OR6K6: variants seen among roughly 807,000 people sequenced by gnomAD.
OR6K6 encodes olfactory receptor family 6 subfamily K member 6, also known as olfactory receptor 6K6.
Under a neutral mutation model 8.1 loss-of-function variants are expected in OR6K6, and 9 were observed. The observed-to-expected ratio is 1.11, with a 90% CI of 0.67 to 1.94. The LOEUF is 1.94. Ranked by LOEUF, OR6K6 falls within the 30% of genes most tolerant of loss-of-function variation. The pLI is 0.00. For synonymous variants in OR6K6, 156 were observed against 140.3 expected (o/e 1.11, Z -0.79); for missense variants, 400 against 383.1 (o/e 1.04, Z -0.37).
chr1:158,755,448 T>A (rs1259473206), exon 1 of OR6K6: 1 of 1,614,244 alleles, frequency 6.2e-7, no homozygotes, highest in East Asian at 2.2e-5. Flanking sequence ...ATTTCACACC[T>A]GTGCTGAGCT....
Position 158,755,745 on chromosome 1 carries a change from C to CT in OR6K6, c.863dup (p.Asn289GlnfsTer6), listed in dbSNP as rs1558026784. 2 of 1,614,054 alleles carry CT rather than the reference C, an allele frequency of 1.2e-6. No individual in the cohort carries two copies. The highest frequency in any genetic ancestry group is 4.5e-5 in the East Asian group (2 of 44,872). Reference sequence around the variant, plus strand: ...CTGTCACTTTTGTTATCCTTGCTCCCTTTTTCAACCCCATCATCTATAGCC... The same window carrying CT: ...CTGTCACTTTTGTTATCCTTGCTCCCTTTTTTCAACCCCATCATCTATAGCC... On this transcript the variant is annotated frameshift_variant, in exon 1 of 1. Transcript: ENST00000641861. LOFTEE classifies it low-confidence loss of function (END_TRUNC).
chr1:158,755,102 T>A, exon 1 of OR6K6: 1 of 1,614,152 alleles, frequency 6.2e-7, no homozygotes, highest in Non-Finnish European at 8.5e-7. Flanking sequence ...GTCCTCTCCT[T>A]CCTGGAGATC....
chr1:158,755,345 G>A (rs1047574573), exon 1 of OR6K6: 1 of 1,614,062 alleles, frequency 6.2e-7, no homozygotes, highest in African/African-American at 1.3e-5. Flanking sequence ...GTTGGATCCT[G>A]CTTTTGTGGC....
exon 1 of OR6K6, chr1:158,755,554 C>A (rs761371256): frequency 6.2e-6 from 10 of 1,614,168 alleles, no homozygotes; most frequent in Non-Finnish European, 7.6e-6. Flanking sequence ...ATCCTACATC[C>A]GGATTATTAT....
exon 1 of OR6K6, chr1:158,755,725 A>T: frequency 6.2e-7 from 1 of 1,614,126 alleles, no homozygotes; most frequent in Non-Finnish European, 8.5e-7. Context: ...AATTGCTGTC[A>T]CTTTTGTTAT....
exon 1 of OR6K6, chr1:158,755,678 G>T: frequency 6.2e-7 from 1 of 1,614,196 alleles, no homozygotes; most frequent in African/African-American, 1.3e-5. Context: ...ATGTATTTGA[G>T]ATTCTCAGCC....
exon 1 of OR6K6, chr1:158,755,522 C>A (rs775847238): frequency 1.9e-6 from 3 of 1,614,144 alleles, no homozygotes; most frequent in Non-Finnish European, 2.5e-6. Flanking sequence ...GAAATTGTAG[C>A]CTCCTTCCTG....
At position 158,754,814 on chromosome 1, in the gene OR6K6, G is replaced by C. The variant is rs752049126; in HGVS notation, c.-74G>C. On this transcript the variant is annotated 5_prime_UTR_variant, in exon 1 of 1. Coordinates refer to ENST00000641861, the Ensembl canonical transcript of OR6K6. ...AGCTTGAGTAACTCATTACAGAAAG[G>C]AATGAAGCAATATTCAGTGGGTAAT... 4 of 1,596,220 alleles carry C rather than the reference G, an allele frequency of 2.5e-6. No individual in the cohort carries two copies. The South Asian group carries it at 4.5e-5, about 18-fold the overall frequency.
chr1:158,755,847 G>A, exon 1 of OR6K6: 2 of 1,590,222 alleles, frequency 1.3e-6, no homozygotes, highest in Non-Finnish European at 8.5e-7. Flanking sequence ...CTGGGAAATA[G>A]ATACAGATCC....
At chr1:158,755,160 T>C in exon 1 of OR6K6, 1 of 1,614,104 alleles carries the variant, frequency 6.2e-7, no homozygotes, top group Non-Finnish European at 8.5e-7. Context: ...GCCTAATCAG[T>C]GAGCAGAAGA....
exon 1 of OR6K6, chr1:158,754,795 A>G (rs1656947488): frequency 6.5e-7 from 1 of 1,549,732 alleles, no homozygotes. Flanking sequence ...AATCAGCTTG[A>G]GTAACTCATT....
exon 1 of OR6K6, chr1:158,755,373 T>G (rs1336569106): frequency 2.5e-6 from 4 of 1,613,728 alleles, no homozygotes; most frequent in Middle Eastern, 3.3e-4. Flanking sequence ...TTGTGCTTCC[T>G]GAGATTGCAT....
In OR6K6 at chr1:158,755,646, AT is replaced by A; in HGVS notation, c.765del (p.Phe255LeufsTer9). Reference sequence around the variant, plus strand: ...CTGCTCACCTTGCTGTGTTCTTGCTATTTTTTGGCAGTGTGGCTGTCATGTA... The same window carrying A: ...CTGCTCACCTTGCTGTGTTCTTGCTATTTTTGGCAGTGTGGCTGTCATGTA... On this transcript the variant is annotated frameshift_variant, in exon 1 of 1. Transcript: ENST00000641861. LOFTEE classifies it high-confidence loss of function. The A allele has an allele frequency of 1.2e-6, 2 of 1,614,070 alleles. No homozygotes were observed. The highest frequency in any genetic ancestry group is 1.7e-6 in the Non-Finnish European group (2 of 1,180,008).
exon 1 of OR6K6, chr1:158,754,940 TCTC>T (rs1437527941): frequency 1.9e-6 from 3 of 1,614,198 alleles, no homozygotes. Flanking sequence ...GAGTTCCTCT[TCTC>T]TATGTTCCCG....
chr1:158,755,408 G>T (rs1158740994), exon 1 of OR6K6: 1 of 1,614,088 alleles, frequency 6.2e-7, no homozygotes, highest in African/African-American at 1.3e-5. Flanking sequence ...CCTTTCTGTG[G>T]CTCCAACCAG....
rs16840976 is a variant in OR6K6 at position 158,754,960 on chromosome 1, C to T, written c.73C>T (p.His25Tyr). The change falls in exon 1 of 1, where the codon CAC becomes TAC. Residue 25 changes from histidine to tyrosine, a missense_variant. Physicochemically the swap from His to Tyr is moderately conservative, Grantham distance 83. Coordinates refer to ENST00000641861, the Ensembl canonical transcript of OR6K6. ...CCTCTTCTCTATGTTCCCGCATGCG[C>T]ACAGAGGTGGCCTCTTATTCTTTAT... 0.014 allele frequency: 21,917 copies of T among 1,614,012 alleles called. 2,450 individuals are homozygous for T. In the African/African-American group the frequency reaches 0.25, roughly 18 times the overall value.
chr1:158,755,829 TG>T lies in OR6K6; in HGVS notation c.944del (p.Gly315ValfsTer13). On this transcript the variant is annotated frameshift_variant, in exon 1 of 1. Coordinates refer to ENST00000641861, the Ensembl canonical transcript of OR6K6. LOFTEE classifies it high-confidence loss of function. ...GGCTTTTCCACTATCAGAAGAGGGC[TG>T]GTTGGGCTGGGAAATAGATACAGAT... The T allele has an allele frequency of 4.4e-6, 7 of 1,602,818 alleles. No homozygotes were observed. The highest frequency in any genetic ancestry group is 6.0e-6 in the Non-Finnish European group (7 of 1,175,346).
exon 1 of OR6K6, chr1:158,755,617 T>C (rs1362419324): frequency 6.2e-7 from 1 of 1,614,238 alleles, no homozygotes; most frequent in South Asian, 1.1e-5. Flanking sequence ...CTTTTCCACC[T>C]GTGCTGCTCA....
chr1:158,755,404 T>C lies in OR6K6; in HGVS notation c.517T>C (p.Cys173Arg), dbSNP rs16841009. ...TGCATGGATTTCCACCTTGCCTTTC[T>C]GTGGCTCCAACCAGATCCACCAGAT... The change falls in exon 1 of 1, where the codon TGT (cysteine) becomes CGT (arginine). Residue 173 changes from cysteine (C) to arginine (R), a missense_variant. Coordinates refer to ENST00000641861, the Ensembl canonical transcript of OR6K6. 0.014 allele frequency: 21,952 copies of C among 1,614,136 alleles called. 2,451 individuals carry two copies. The African/African-American group carries it at 0.25, about 18-fold the overall frequency.
Sources: allele counts gnomAD v4.1 joint callset, GRCh38; gene constraint gnomAD v4.1.1; transcripts MANE v1.5; gene names NCBI Gene and HGNC (gene_info 2026-07-23, HGNC 2026-07-21).